The following ALLC variants were observed in gnomAD, a reference collection of about 807,000 sequenced individuals.
ALLC encodes allantoicase.
A neutral mutation model predicts 45.0 loss-of-function variants in ALLC; 40 were observed. The observed-to-expected ratio is 0.89, with a 90% CI of 0.69 to 1.16. The LOEUF is 1.16. Ranked by LOEUF, ALLC falls within the 50% of genes most tolerant of loss-of-function variation. The pLI is 0.00. For synonymous variants in ALLC, 176 were observed against 178.1 expected, an observed-to-expected ratio of 0.99 and a Z score of 0.09; for missense variants, 488 against 493.1, an observed-to-expected ratio of 0.99 and a Z score of 0.10.
intron 11 of ALLC, 97 bp from the exon 12 acceptor site, chr2:3,702,266 G>A: frequency 9.9e-7 from 1 of 1,013,828 alleles, no homozygotes; most frequent in Non-Finnish European, 1.4e-6. Flanking sequence ...AGCCCCTTCG[G>A]TTAAGTCTAA....
chr2:3,672,087 G>C (rs111703166), intron 2 of ALLC, among the ~76,000 whole-genome samples: 20,595 of 66,622 alleles, frequency 0.31, 5,653 homozygotes, highest in African/African-American at 0.63. Context: ...TCCTCTGGCT[G>C]TGGTTAGATC....
intron 7 of ALLC, among the ~76,000 whole-genome samples, chr2:3,693,372 ATAT>A (rs1667572790): frequency 6.6e-6 from 1 of 152,238 alleles, no homozygotes; most frequent in Non-Finnish European, 1.5e-5. Context: ...ACGTTTACTA[ATAT>A]TAATTACTCA....
At chr2:3,687,879 G>C (rs1667371298) in intron 7 of ALLC, 2 of 150,906 alleles carry the variant, frequency 1.3e-5, no homozygotes, top group African/African-American at 4.8e-5. Context: ...AACTGTGTCA[G>C]GGGGAGATTC....
At chr2:3,684,517 C>T (rs768772816) in intron 7 of ALLC, among the ~76,000 whole-genome samples, 2 of 152,164 alleles carry the variant, frequency 1.3e-5, no homozygotes, top group Non-Finnish European at 2.9e-5. Context: ...GTGCACCCAT[C>T]ACCAGAGCAG....
At chr2:3,651,134 A>C in the ALLC span, among the ~76,000 whole-genome samples, 1 of 151,200 alleles carries the variant, frequency 6.6e-6, no homozygotes, top group Non-Finnish European at 1.5e-5. Context: ...GGATGAGCGC[A>C]GACACACAGC....
At chr2:3,673,650 C>G (rs1250815333) in intron 2 of ALLC, among the ~76,000 whole-genome samples, 1 of 152,192 alleles carries the variant, frequency 6.6e-6, no homozygotes, top group Non-Finnish European at 1.5e-5. Flanking sequence ...GATGAATGAC[C>G]AGGACAGCCC....
intron 3 of ALLC, among the ~76,000 whole-genome samples, chr2:3,674,844 G>A (rs1055147965): frequency 3.9e-5 from 6 of 152,152 alleles, no homozygotes; most frequent in African/African-American, 1.4e-4. Flanking sequence ...ACTTTTTCTA[G>A]GTCACACAGT....
At chr2:3,682,483 T>G (rs993588691) in intron 6 of ALLC, among the ~76,000 whole-genome samples, 1 of 152,214 alleles carries the variant, frequency 6.6e-6, no homozygotes, top group Non-Finnish European at 1.5e-5. Flanking sequence ...TATGTACTAT[T>G]TTTATTAAAG....
chr2:3,652,809 T>C, the ALLC span, among the ~76,000 whole-genome samples: 19,797 of 152,178 alleles, frequency 0.13, 2,053 homozygotes, highest in African/African-American at 0.28. Context: ...CTTGAACTCC[T>C]GAGTTCAGGC....
chr2:3,670,084 G>A (rs1437318793), intron 1 of ALLC, among the ~76,000 whole-genome samples: 1 of 152,138 alleles, frequency 6.6e-6, no homozygotes, highest in African/African-American at 2.4e-5. Flanking sequence ...TGTCGGGAGC[G>A]CCTTCCAGCC....
chr2:3,679,051 C>G (rs527466879), intron 4 of ALLC, among the ~76,000 whole-genome samples: 1 of 152,160 alleles, frequency 6.6e-6, no homozygotes, highest in African/African-American at 2.4e-5. Context: ...AATTTTTATT[C>G]ATTGCTATTA....
intron 2 of ALLC, among the ~76,000 whole-genome samples, chr2:3,671,730 G>C (rs1227039814): frequency 2.7e-5 from 4 of 149,772 alleles, no homozygotes; most frequent in Non-Finnish European, 5.9e-5. Flanking sequence ...GCTCTGGTTA[G>C]ATGGGAGGTC....
chr2:3,681,010 G>A (rs1667162227), intron 5 of ALLC, among the ~76,000 whole-genome samples: 1 of 152,160 alleles, frequency 6.6e-6, no homozygotes, highest in African/African-American at 2.4e-5. Flanking sequence ...AATTATGTGT[G>A]TGTTTATACA....
intron 7 of ALLC, 164 bp from the exon 8 acceptor site, chr2:3,695,553 G>A: frequency 1.5e-6 from 1 of 683,000 alleles, no homozygotes; most frequent in South Asian, 1.9e-5. Flanking sequence ...AATATCAAGT[G>A]CAAAGGCCCT....
upstream of ALLC, chr2:3,658,123 C>G (rs1666483580): frequency 6.6e-6 from 1 of 152,380 alleles, no homozygotes; most frequent in East Asian, 1.9e-4. Context: ...TTACTTCCAC[C>G]TCTCTGCAAC....
intron 2 of ALLC, among the ~76,000 whole-genome samples, chr2:3,672,663 T>C (rs546662372): frequency 6.1e-5 from 9 of 147,540 alleles, no homozygotes; most frequent in African/African-American, 2.0e-4. Context: ...CTGGCTCTGG[T>C]TAGATGGGAG....
chr2:3,675,442 T>G (rs1409754561), intron 3 of ALLC, among the ~76,000 whole-genome samples: 1 of 149,358 alleles, frequency 6.7e-6, no homozygotes, highest in East Asian at 2.0e-4. Flanking sequence ...GAGAGATCCA[T>G]GTATATTTTA....
upstream of ALLC, among the ~76,000 whole-genome samples, chr2:3,654,556 C>T (rs891760236): frequency 6.6e-6 from 1 of 152,196 alleles, no homozygotes; most frequent in African/African-American, 2.4e-5. Context: ...GTTCATCTGA[C>T]CCACACATTC....
chr2:3,670,961 G>A (rs1186984771), intron 1 of ALLC, 135 bp from the exon 2 acceptor site: 9 of 605,088 alleles, frequency 1.5e-5, no homozygotes, highest in Non-Finnish European at 2.3e-5. Flanking sequence ...CACCTGTCAG[G>A]TACAGTTGAC....
Sources: allele counts gnomAD v4.1 joint callset (sites outside exome capture counted in the v4.1 genomes callset), GRCh38; gene constraint gnomAD v4.1.1; transcripts MANE v1.5; gene names NCBI Gene and HGNC (gene_info 2026-07-23, HGNC 2026-07-21).